The following TENM3 variants were observed in gnomAD, a reference collection of about 807,000 sequenced individuals.
TENM3 encodes the protein teneurin-3.
A neutral mutation model predicts 255.1 loss-of-function variants in TENM3; 63 were observed. That is an observed-to-expected ratio of 0.25 (90% CI 0.20 to 0.30). The LOEUF (loss-of-function observed/expected upper bound fraction) is 0.30, where lower values mean the gene tolerates loss of function less well. TENM3 is among the 10% of genes least tolerant of loss of function. The pLI is 1.00. For synonymous variants in TENM3, 1,306 were observed against 1,322.3 expected (o/e 0.99, Z 0.27); for missense variants, 2,929 against 3,461.1 (o/e 0.85, Z 3.86).
At chr4:182,633,335 G>A (rs997115558) in intron 5 of TENM3, among the ~76,000 whole-genome samples, 1 of 152,228 alleles carries the variant, frequency 6.6e-6, no homozygotes, top group African/African-American at 2.4e-5. Flanking sequence ...ATAGATGTCA[G>A]AGGTCCAAAT....
At chr4:182,307,276 C>T (rs967295210) in intron 1 of TENM3, among the ~76,000 whole-genome samples, 2 of 152,126 alleles carry the variant, frequency 1.3e-5, no homozygotes, top group Admixed American at 6.5e-5. Flanking sequence ...GGTCTCAGTC[C>T]GGTTCATGGG....
chr4:182,533,488 G>A (rs1344512942), intron 3 of TENM3, among the ~76,000 whole-genome samples: 2 of 149,058 alleles, frequency 1.3e-5, no homozygotes, highest in Admixed American at 6.7e-5. Flanking sequence ...GCAGTGAGCC[G>A]TGATCACACC....
the TENM3 span, among the ~76,000 whole-genome samples, chr4:181,699,787 C>T: frequency 6.6e-6 from 1 of 152,238 alleles, no homozygotes; most frequent in South Asian, 2.1e-4. Context: ...ATTGGATATG[C>T]CCTGTGAGAC....
At chr4:181,598,737 T>C in the TENM3 span, among the ~76,000 whole-genome samples, 4 of 151,304 alleles carry the variant, frequency 2.6e-5, no homozygotes, top group Admixed American at 6.6e-5. Flanking sequence ...CATCTTGTAA[T>C]AATACAGCTA....
chr4:182,101,451 G>A, the TENM3 span, among the ~76,000 whole-genome samples: 5 of 152,188 alleles, frequency 3.3e-5, no homozygotes, highest in Admixed American at 6.5e-5. Flanking sequence ...ATGGCATCTC[G>A]CCCTCTCACC....
chr4:182,688,144 G>A (rs1310027312), intron 11 of TENM3, 22 bp from the exon 12 acceptor site: 2 of 1,560,890 alleles, frequency 1.3e-6, no homozygotes, highest in Admixed American at 1.8e-5. Context: ...CTCCTGTTTT[G>A]TGTCCTCTTC....
chr4:182,163,538 C>T (rs1237888499), intron 1 of TENM3, among the ~76,000 whole-genome samples: 1 of 152,186 alleles, frequency 6.6e-6, no homozygotes, highest in African/African-American at 2.4e-5. Context: ...TACTCATCTC[C>T]CTCTCTCTTT....
chr4:182,297,727 C>A, intron 1 of TENM3, among the ~76,000 whole-genome samples: 1 of 152,318 alleles, frequency 6.6e-6, no homozygotes, highest in Non-Finnish European at 1.5e-5. Flanking sequence ...TAGATGGCCT[C>A]ATTAGCTGTT....
chr4:182,402,669 TC>T (rs1284466798), intron 3 of TENM3, among the ~76,000 whole-genome samples: 59 of 152,304 alleles, frequency 3.9e-4, no homozygotes, highest in African/African-American at 1.4e-3. Flanking sequence ...GGGTAAAGCT[TC>T]CTGTTTGCTG....
intron 7 of TENM3, among the ~76,000 whole-genome samples, chr4:182,679,225 G>A (rs1755912481): frequency 6.6e-6 from 1 of 152,116 alleles, no homozygotes; most frequent in South Asian, 2.1e-4. Context: ...AAAAGAAAGA[G>A]TAGAATGATG....
At chr4:181,533,195 G>A in the TENM3 span, among the ~76,000 whole-genome samples, 7 of 152,090 alleles carry the variant, frequency 4.6e-5, no homozygotes, top group African/African-American at 1.4e-4. Context: ...CTATAGTGAG[G>A]AAATAAATGT....
chr4:182,676,417 C>T lies in TENM3; in HGVS notation c.1326+3198C>T, dbSNP rs547824061. On this transcript the variant is annotated intron_variant, in intron 7 of 27. Coordinates refer to ENST00000511685, the MANE Select transcript of TENM3 (RefSeq NM_001080477.4). ...ACCACCTTTTCACTGTGTGACCTTG[C>T]AGAGTCCCTTCTCTGAGCCTTAGTG... Among the ~76,000 whole-genome samples the T allele has an allele frequency of 2.8e-4, 43 of 152,288 alleles. No homozygotes were observed. The East Asian group carries it at 7.1e-3, about 25-fold the overall frequency.
At chr4:181,473,464 C>A in the TENM3 span, among the ~76,000 whole-genome samples, 2 of 151,972 alleles carry the variant, frequency 1.3e-5, no homozygotes, top group Non-Finnish European at 1.5e-5. Flanking sequence ...TGGCGACACG[C>A]ACCTGTGGTC....
intron 26 of TENM3, among the ~76,000 whole-genome samples, chr4:182,794,905 C>G (rs948899464): frequency 6.6e-6 from 1 of 152,166 alleles, no homozygotes; most frequent in African/African-American, 2.4e-5. Flanking sequence ...ATTAACCCCT[C>G]TACCACATTT....
At chr4:182,184,734 A>G (rs1355896575) in intron 1 of TENM3, among the ~76,000 whole-genome samples, 1 of 152,204 alleles carries the variant, frequency 6.6e-6, no homozygotes, top group Non-Finnish European at 1.5e-5. Context: ...CTTGATGAGT[A>G]GAAAGATTAG....
At chr4:182,175,314 A>ATATATATATAT (rs1554026205) in intron 1 of TENM3, among the ~76,000 whole-genome samples, 1 of 117,592 alleles carries the variant, frequency 8.5e-6, no homozygotes, top group African/African-American at 3.3e-5. Context: ...AAAAAAAAAA[A>ATATATATATAT]ATATATATAT....
the TENM3 span, among the ~76,000 whole-genome samples, chr4:182,011,022 T>C: frequency 6.6e-6 from 1 of 152,244 alleles, no homozygotes; most frequent in African/African-American, 2.4e-5. Context: ...CTGTATTCAG[T>C]CAACATGCTA....
intron 1 of TENM3, among the ~76,000 whole-genome samples, chr4:182,303,405 G>C (rs988671613): frequency 6.6e-6 from 1 of 152,114 alleles, no homozygotes; most frequent in Non-Finnish European, 1.5e-5. Context: ...ACCATATTAT[G>C]ACATAAGAGT....
chr4:181,611,635 AT>A, the TENM3 span, among the ~76,000 whole-genome samples: 1 of 152,152 alleles, frequency 6.6e-6, no homozygotes, highest in Non-Finnish European at 1.5e-5. Context: ...ACAATGCTTT[AT>A]TTTTTTAAAC....
Sources: gnomAD v4.1 joint callset for allele counts (sites outside exome capture counted in the v4.1 genomes callset) on GRCh38, gnomAD v4.1.1 for gene constraint, MANE v1.5 for transcripts, NCBI Gene and HGNC (gene_info 2026-07-23, HGNC 2026-07-21) for gene names.